The following TBL1X variants were observed in gnomAD, a reference collection of about 807,000 sequenced individuals.
The protein encoded by TBL1X is F-box-like/WD repeat-containing protein TBL1X.
TBL1X carries 10 observed loss-of-function variants against 50.7 expected under a neutral mutation model. The ratio of observed to expected loss-of-function variants is 0.20; its 90% CI spans 0.12 to 0.33. The LOEUF is 0.33. Ranked by LOEUF, TBL1X falls within the 10% of genes least tolerant of loss-of-function variation. The probability of loss-of-function intolerance (pLI) is 1.00; values close to 1 mark genes in which losing one functional copy is unlikely to be tolerated. For synonymous variants in TBL1X, 190 were observed against 214.7 expected (o/e 0.88, Z 1.01); for missense variants, 340 against 504.4 (o/e 0.67, Z 3.12).
At chrX:9,635,229 C>T (rs2082739909) in intron 2 of TBL1X, among the ~76,000 whole-genome samples, 1 of 110,877 alleles carries the variant, frequency 9.0e-6, no homozygotes, top group African/African-American at 3.3e-5. Flanking sequence ...GTAGCACCTC[C>T]ACTTCCAGTT....
chrX:9,677,044 CGT>C (rs1569095366), intron 5 of TBL1X, among the ~76,000 whole-genome samples: 3 of 111,189 alleles, frequency 2.7e-5, no homozygotes, highest in Admixed American at 9.6e-5. Flanking sequence ...TGAGAGTGTG[CGT>C]GTGTGTCTGT....
At chrX:9,540,807 C>G (rs1478516332) in intron 2 of TBL1X, among the ~76,000 whole-genome samples, 1 of 112,151 alleles carries the variant, frequency 8.9e-6, no homozygotes, top group African/African-American at 3.2e-5. Flanking sequence ...AATTTAGTGA[C>G]AAGCCCCAGG....
upstream of TBL1X, among the ~76,000 whole-genome samples, chrX:9,464,688 T>C: frequency 9.0e-6 from 1 of 111,147 alleles, no homozygotes; most frequent in Non-Finnish European, 1.9e-5. Context: ...TGGGATGTGA[T>C]GGGGGTAGCC....
At chrX:9,525,142 T>G (rs1468373405) in intron 2 of TBL1X, among the ~76,000 whole-genome samples, 1 of 110,821 alleles carries the variant, frequency 9.0e-6, no homozygotes, top group Non-Finnish European at 1.9e-5. Flanking sequence ...GTGGGATTTA[T>G]TGGGATTCTT....
chrX:9,662,964 T>A (rs1281289641), intron 5 of TBL1X, among the ~76,000 whole-genome samples: 1 of 111,252 alleles, frequency 9.0e-6, no homozygotes, highest in African/African-American at 3.3e-5. Context: ...CTCTTAAAAA[T>A]TTTTTTTAAA....
chrX:9,660,007 C>T (rs1305722808), intron 5 of TBL1X, among the ~76,000 whole-genome samples: 1 of 112,244 alleles, frequency 8.9e-6, no homozygotes, highest in African/African-American at 3.2e-5. Context: ...TAAGCAGTGC[C>T]GTTGGTCTAA....
chrX:9,713,507 G>A (rs1422757225), intron 16 of TBL1X, among the ~76,000 whole-genome samples: 17 of 96,979 alleles, frequency 1.8e-4, no homozygotes, highest in African/African-American at 6.3e-4. Context: ...GGCCCACTGC[G>A]ACCTCTGCCT....
At chrX:9,471,500 A>G (rs2081814413) in intron 1 of TBL1X, among the ~76,000 whole-genome samples, 1 of 112,441 alleles carries the variant, frequency 8.9e-6, no homozygotes, top group Non-Finnish European at 1.9e-5. Context: ...TATGTTAACT[A>G]AACATTGGGA....
Position 9,705,024 on chromosome X carries a change from C to T in TBL1X, c.1146C>T (p.Asn382=), listed in dbSNP as rs367740531. The change falls in exon 13 of 18, where the codon AAC becomes AAT. Residue 382 remains asparagine, a synonymous_variant. Coordinates refer to ENST00000645353, the MANE Select transcript of TBL1X (RefSeq NM_005647.4). ...CCCTTGATGTGGACTGGCAGAACAA[C>T]ACGACCTTTGCCTCCTGTAGCACAG... The part of the protein sequence containing the change: ...APALDVDWQN[N]TTFASCSTDM... 1.1e-5 allele frequency: 13 copies of T among 1,210,989 alleles called. No homozygotes were observed. The African/African-American group carries it at 1.6e-4, about 15-fold the overall frequency.
chrX:9,646,077 T>G (rs894101057), intron 3 of TBL1X, among the ~76,000 whole-genome samples: 1 of 112,810 alleles, frequency 8.9e-6, no homozygotes, highest in Non-Finnish European at 1.9e-5. Context: ...TGGTCATATT[T>G]ATCTCTTGGA....
intron 2 of TBL1X, among the ~76,000 whole-genome samples, chrX:9,624,804 T>C (rs1451758840): frequency 9.0e-6 from 1 of 110,560 alleles, no homozygotes; most frequent in East Asian, 2.8e-4. Context: ...GCAAGAACAA[T>C]GCTACTTAGA....
At chrX:9,527,419 G>A (rs886192) in intron 2 of TBL1X, among the ~76,000 whole-genome samples, 19,592 of 110,063 alleles carry the variant, frequency 0.18, 1,965 homozygotes, top group African/African-American at 0.37. Flanking sequence ...TCTCTAGGCC[G>A]TATTTAGGCA....
chrX:9,612,679 G>A lies in TBL1X; in HGVS notation c.-130-27594G>A, dbSNP rs898557836. ...TCCAGTGTGTTCTTTGGTCAGTGAT[G>A]TCTGAGATCCCAAGTTCCAATGTCT... On this transcript the variant is annotated intron_variant, in intron 2 of 17. Coordinates refer to ENST00000645353, the MANE Select transcript of TBL1X (RefSeq NM_005647.4). 5.4e-5 allele frequency among the ~76,000 whole-genome samples: 6 copies of A among 111,090 alleles called. No homozygotes were observed. In the Admixed American group the frequency reaches 5.8e-4, roughly 11 times the overall value.
At chrX:9,554,340 C>T (rs1239749926) in intron 2 of TBL1X, among the ~76,000 whole-genome samples, 1 of 112,653 alleles carries the variant, frequency 8.9e-6, no homozygotes, top group African/African-American at 3.2e-5. Flanking sequence ...AGCAGATACT[C>T]TAGCATATTT....
Position 9,535,945 on chromosome X carries a change from A to G in TBL1X, c.-131+34096A>G, listed in dbSNP as rs749091653. Among the ~76,000 whole-genome samples, 3 of 111,972 alleles carry G rather than the reference A, an allele frequency of 2.7e-5. No homozygotes were observed. The East Asian group carries it at 8.4e-4, about 31-fold the overall frequency. The stretch of plus-strand genomic sequence containing the variant: ...TATCATATTCCCAAGACATTTTCAA[A>G]TGATTCACCCTTTGCCATCAGAATG... On this transcript the variant is annotated intron_variant, in intron 2 of 17. Transcript: ENST00000645353.
At chrX:9,501,532 C>G (rs960943194) in intron 1 of TBL1X, among the ~76,000 whole-genome samples, 8 of 111,096 alleles carry the variant, frequency 7.2e-5, no homozygotes, top group Non-Finnish European at 1.3e-4. Flanking sequence ...GCCTTCTCCA[C>G]TGTTGCAGTT....
chrX:9,633,925 G>T (rs1290712065), intron 2 of TBL1X, among the ~76,000 whole-genome samples: 1 of 111,491 alleles, frequency 9.0e-6, no homozygotes, highest in Non-Finnish European at 1.9e-5. Flanking sequence ...AGTAAGGCAG[G>T]ATAGAGGGGT....
intron 3 of TBL1X, among the ~76,000 whole-genome samples, chrX:9,642,399 C>G (rs1360235142): frequency 1.8e-5 from 2 of 111,758 alleles, no homozygotes; most frequent in African/African-American, 6.5e-5. Flanking sequence ...TCTGCCTATG[C>G]TGCGTGCTGC....
chrX:9,466,279 C>T lies in TBL1X; in HGVS notation c.-201+832C>T, dbSNP rs566149856. ...CTCGGAGTGGAGTATGGGGAGTGCG[C>T]CTTCGGGAGTCGGCGCTGGCCGGAT... On this transcript the variant is annotated intron_variant, in intron 1 of 17. Transcript: ENST00000645353. Among the ~76,000 whole-genome samples the T allele has an allele frequency of 4.4e-4, 49 of 112,330 alleles. 1 individual carries two copies. In the South Asian group the frequency reaches 0.018, roughly 41 times the overall value.
Sources: gnomAD v4.1 joint callset for allele counts (sites outside exome capture counted in the v4.1 genomes callset) on GRCh38, gnomAD v4.1.1 for gene constraint, MANE v1.5 for transcripts, NCBI Gene and HGNC (gene_info 2026-07-23, HGNC 2026-07-21) for gene names.